The following LRRC4C variants were observed in gnomAD, a reference collection of about 807,000 sequenced individuals.
LRRC4C encodes the protein leucine-rich repeat-containing protein 4C.
Under a neutral mutation model 33.6 loss-of-function variants are expected in LRRC4C, and 5 were observed. The ratio of observed to expected loss-of-function variants is 0.15; its 90% CI spans 0.08 to 0.31. The LOEUF is 0.31. Among genes scored for constraint, LRRC4C ranks in the 10% least tolerant of loss-of-function variants. LRRC4C has a pLI of 1.00. For missense variants in LRRC4C, 560 were observed against 796.7 expected (o/e 0.70, Z 3.58); for synonymous variants, 329 against 302.0 (o/e 1.09, Z -0.93).
chr11:40,338,215 A>C (rs2136990095), intron 3 of LRRC4C, among the ~76,000 whole-genome samples: 1 of 152,336 alleles, frequency 6.6e-6, no homozygotes, highest in South Asian at 2.1e-4. Flanking sequence ...AATTCAATTT[A>C]TGTCTCCTAA....
intron 1 of LRRC4C, among the ~76,000 whole-genome samples, chr11:41,261,461 A>G (rs75511349): frequency 0.019 from 2,879 of 152,208 alleles, 93 homozygotes; most frequent in African/African-American, 0.067. Context: ...AAATAGAGGG[A>G]TTAAGTTGAA....
chr11:40,981,408 C>T (rs972586702), intron 1 of LRRC4C, among the ~76,000 whole-genome samples: 16 of 148,032 alleles, frequency 1.1e-4, no homozygotes, highest in Non-Finnish European at 1.6e-4. Flanking sequence ...AGCAAGACTC[C>T]GTCTCAAAAA....
intron 5 of LRRC4C, among the ~76,000 whole-genome samples, chr11:40,219,243 C>G (rs1471975546): frequency 6.6e-6 from 1 of 152,212 alleles, no homozygotes; most frequent in Non-Finnish European, 1.5e-5. Context: ...CAATGGTCAC[C>G]TGTAGCCAGT....
chr11:40,874,106 A>T lies in LRRC4C; in HGVS notation c.-407+59529T>A, dbSNP rs934567137. Among the ~76,000 whole-genome samples the T allele has an allele frequency of 3.3e-5, 5 of 152,212 alleles. No homozygotes were observed. In the East Asian group the frequency reaches 7.7e-4, roughly 23 times the overall value. Reference sequence around the variant, plus strand: ...AAGTAAAAGCATAGAGAAAATGCACAATATTGGAACATGGTTTTTCCAAGG... The same window carrying T: ...AAGTAAAAGCATAGAGAAAATGCACTATATTGGAACATGGTTTTTCCAAGG... On this transcript the variant is annotated intron_variant, in intron 2 of 6. Transcript: ENST00000528697.
At position 41,032,600 on chromosome 11, in the gene LRRC4C, C is replaced by T. The variant is rs76911190; in HGVS notation, c.-495-98877G>A. Among the ~76,000 whole-genome samples, 716 of 151,872 alleles carry T rather than the reference C, an allele frequency of 4.7e-3. 1 individual carries two copies. The highest frequency in any genetic ancestry group is 7.1e-3 in the Non-Finnish European group (484 of 67,938). ...TTGGTTCATCAATGGGTCTGACTGG[C>T]CCAATGTCACTTTATAGTACAGATA... is the stretch of plus-strand genomic sequence containing the variant. On this transcript the variant is annotated intron_variant, in intron 1 of 6. Transcript: ENST00000528697.
At chr11:40,442,275 G>C (rs1951434089) in intron 3 of LRRC4C, among the ~76,000 whole-genome samples, 1 of 147,374 alleles carries the variant, frequency 6.8e-6, no homozygotes, top group African/African-American at 2.5e-5. Flanking sequence ...ATATGAATTT[G>C]ACTTGTGTCA....
intron 3 of LRRC4C, among the ~76,000 whole-genome samples, chr11:40,592,437 A>C (rs11035944): frequency 0.11 from 16,899 of 152,192 alleles, 1,202 homozygotes; most frequent in Middle Eastern, 0.2. Flanking sequence ...ACAAATTCCC[A>C]TATGATCAAT....
At chr11:41,023,449 A>G (rs966963944) in intron 1 of LRRC4C, among the ~76,000 whole-genome samples, 1 of 151,814 alleles carries the variant, frequency 6.6e-6, no homozygotes, top group Non-Finnish European at 1.5e-5. Flanking sequence ...CATTATCTCT[A>G]AATTATAAAA....
chr11:41,364,168 C>G (rs1952451678), intron 1 of LRRC4C, among the ~76,000 whole-genome samples: 1 of 152,148 alleles, frequency 6.6e-6, no homozygotes, highest in Admixed American at 6.5e-5. Flanking sequence ...AGAGGGCTAC[C>G]CCCTGCTCAT....
chr11:41,443,089 A>ATTTTTTTTTT, intron 1 of LRRC4C, among the ~76,000 whole-genome samples: 1 of 105,994 alleles, frequency 9.4e-6, no homozygotes, highest in Admixed American at 1.2e-4. Context: ...TGTTTGCTTC[A>ATTTTTTTTTT]TTTTTTTTTT....
chr11:41,148,079 C>T (rs193255769), intron 1 of LRRC4C, among the ~76,000 whole-genome samples: 75 of 152,044 alleles, frequency 4.9e-4, no homozygotes, highest in African/African-American at 1.7e-3. Flanking sequence ...AATGCAGTGA[C>T]GCCATCTCGG....
chr11:41,051,555 G>GAAAAAAAAAAAAAAAAAAAAAAAA (rs1565337349), intron 1 of LRRC4C, among the ~76,000 whole-genome samples: 39 of 82,764 alleles, frequency 4.7e-4, no homozygotes, highest in Non-Finnish European at 6.2e-4. Flanking sequence ...AAAAAAAAAG[G>GAAAAAAAAAAAAAAAAAAAAAAAA]AAAAATTAGT....
chr11:40,841,434 G>C (rs901571952), intron 2 of LRRC4C, among the ~76,000 whole-genome samples: 1 of 152,192 alleles, frequency 6.6e-6, no homozygotes, highest in East Asian at 1.9e-4. Flanking sequence ...GGCCTCTAAA[G>C]GAAGTAATTC....
At chr11:40,984,407 GA>G (rs1423022890) in intron 1 of LRRC4C, among the ~76,000 whole-genome samples, 1 of 86,534 alleles carries the variant, frequency 1.2e-5, no homozygotes, top group Non-Finnish European at 3.0e-5. Context: ...AAGAAAGAAA[GA>G]AAGAAAGAGA....
intron 3 of LRRC4C, among the ~76,000 whole-genome samples, chr11:40,367,716 G>A (rs1011707842): frequency 2.0e-5 from 3 of 151,950 alleles, no homozygotes; most frequent in African/African-American, 4.8e-5. Flanking sequence ...ATGTCATATT[G>A]TCAAGAGGCC....
At chr11:40,379,273 TTATAA>T (rs577549235) in intron 3 of LRRC4C, among the ~76,000 whole-genome samples, 1,573 of 152,034 alleles carry the variant, frequency 0.01, 24 homozygotes, top group African/African-American at 0.037. Context: ...ACCAATTTAA[TTATAA>T]TATAAAATAT....
Position 40,597,708 on chromosome 11 carries a change from T to G in LRRC4C, c.-270+50434A>C, listed in dbSNP as rs1333580981. 3.9e-5 allele frequency among the ~76,000 whole-genome samples: 6 copies of G among 152,162 alleles called. No individual in the cohort carries two copies. The East Asian group carries it at 1.2e-3, about 29-fold the overall frequency. The stretch of plus-strand genomic sequence containing the variant: ...TACTACAAAGAGGGAGGCAAGCTAG[T>G]AAAGAGGGCTTAAGGAACGCTGAGC... On this transcript the variant is annotated intron_variant, in intron 3 of 6. Transcript: ENST00000528697.
At chr11:40,915,139 C>G (rs1956889942) in intron 2 of LRRC4C, among the ~76,000 whole-genome samples, 1 of 152,032 alleles carries the variant, frequency 6.6e-6, no homozygotes, top group African/African-American at 2.4e-5. Context: ...TTTATAGATT[C>G]AATGCCGTCT....
chr11:40,196,680 C>T (rs1357609654), intron 5 of LRRC4C, among the ~76,000 whole-genome samples: 1 of 152,150 alleles, frequency 6.6e-6, no homozygotes, highest in Non-Finnish European at 1.5e-5. Context: ...TAAGATTTTA[C>T]AAAAGTGTCT....
Sources: allele counts gnomAD v4.1 joint callset (sites outside exome capture counted in the v4.1 genomes callset), GRCh38; gene constraint gnomAD v4.1.1; transcripts MANE v1.5; gene names NCBI Gene and HGNC (gene_info 2026-07-23, HGNC 2026-07-21).